Variants in CALN1 observed in about 807,000 individuals in gnomAD.
The protein encoded by CALN1 is calcium-binding protein 8.
A neutral mutation model predicts 30.6 loss-of-function variants in CALN1; 17 were observed. That is an observed-to-expected ratio of 0.56 (90% CI 0.38 to 0.83). The LOEUF (loss-of-function observed/expected upper bound fraction) is 0.83, where lower values mean the gene tolerates loss of function less well. Ranked by LOEUF, CALN1 falls within the 40% of genes least tolerant of loss-of-function variation. CALN1 has a pLI of 0.00. For synonymous variants in CALN1, 156 were observed against 131.4 expected, an observed-to-expected ratio of 1.19 and a Z score of -1.28; for missense variants, 291 against 354.9, an observed-to-expected ratio of 0.82 and a Z score of 1.45.
intron 2 of CALN1, among the ~76,000 whole-genome samples, chr7:72,357,325 G>C (rs370800722): frequency 2.6e-5 from 4 of 152,096 alleles, no homozygotes; most frequent in East Asian, 3.9e-4. Context: ...GAATGAGAAA[G>C]GTTCCTCCTG....
chr7:72,201,171 AG>A (rs1374387412), intron 3 of CALN1, among the ~76,000 whole-genome samples: 2 of 152,224 alleles, frequency 1.3e-5, no homozygotes, highest in African/African-American at 4.8e-5. Flanking sequence ...GAATTAACTC[AG>A]GAACAGAAAA....
In CALN1 at chr7:72,311,482, T is replaced by G. The variant is rs79057177; in HGVS notation, c.120-32672A>C. 5.2e-3 allele frequency among the ~76,000 whole-genome samples: 782 copies of G among 151,138 alleles called. 10 individuals carry two copies. Among genetic ancestry groups the G allele is most frequent in the African/African-American group, 0.014 (590 of 41,214 alleles). ...ATCAACTGTATTTCTTTTTTCTTTTTTGTGTGTGTGTGTGTAAGACAAGGT... is the reference window on the plus strand; with the variant it reads ...ATCAACTGTATTTCTTTTTTCTTTTGTGTGTGTGTGTGTGTAAGACAAGGT... On this transcript the variant is annotated intron_variant, in intron 2 of 6. Transcript: ENST00000395275.
chr7:71,908,505 C>T (rs1186995291), intron 5 of CALN1, among the ~76,000 whole-genome samples: 8 of 152,144 alleles, frequency 5.3e-5, no homozygotes, highest in Non-Finnish European at 1.0e-4. Flanking sequence ...GGAAGTCTGG[C>T]TGGGAATAGA....
intron 4 of CALN1, among the ~76,000 whole-genome samples, chr7:72,062,546 A>T (rs1366210993): frequency 1.3e-5 from 2 of 151,486 alleles, no homozygotes; most frequent in Non-Finnish European, 2.9e-5. Flanking sequence ...AAAATAAATA[A>T]ATAAAATGAT....
chr7:72,467,533 G>A, the CALN1 span, among the ~76,000 whole-genome samples: 3 of 152,074 alleles, frequency 2.0e-5, no homozygotes, highest in Non-Finnish European at 4.4e-5. Context: ...CTAGGTCCAT[G>A]GCAGAGCCCC....
the CALN1 span, among the ~76,000 whole-genome samples, chr7:72,488,420 T>C: frequency 1.3e-5 from 2 of 152,126 alleles, no homozygotes; most frequent in Admixed American, 1.3e-4. Flanking sequence ...AAAGGACTAA[T>C]ACTTTGGGAA....
intron 1 of CALN1, among the ~76,000 whole-genome samples, chr7:72,443,953 A>C (rs1282246588): frequency 5.0e-5 from 7 of 139,194 alleles, no homozygotes; most frequent in Admixed American, 4.9e-4. Context: ...TGCAGTGAGC[A>C]GAGATCATGC....
At chr7:71,970,540 A>G (rs897975715) in intron 5 of CALN1, among the ~76,000 whole-genome samples, 6 of 152,194 alleles carry the variant, frequency 3.9e-5, no homozygotes, top group African/African-American at 1.4e-4. Context: ...ATCCAATGCA[A>G]AATGGCAACT....
chr7:71,997,141 G>A (rs1051046348), intron 5 of CALN1, among the ~76,000 whole-genome samples: 1 of 152,146 alleles, frequency 6.6e-6, no homozygotes, highest in Non-Finnish European at 1.5e-5. Context: ...ACTGAGGCAG[G>A]AGGATGGCTT....
chr7:71,930,859 C>T lies in CALN1; in HGVS notation c.501+92798G>A, dbSNP rs1216045051. Among the ~76,000 whole-genome samples the T allele has an allele frequency of 2.0e-5, 3 of 152,188 alleles. No individual in the cohort carries two copies. The East Asian group carries it at 5.8e-4, about 29-fold the overall frequency. On this transcript the variant is annotated intron_variant, in intron 5 of 6. Transcript: ENST00000395275. ...TCTCCATCTTTAAAATGCTTAATTGCTTTTCAAGTGCAGCATAACCCATGC... is the reference window on the plus strand; with the variant it reads ...TCTCCATCTTTAAAATGCTTAATTGTTTTTCAAGTGCAGCATAACCCATGC...
intron 5 of CALN1, among the ~76,000 whole-genome samples, chr7:71,946,727 C>T (rs552166386): frequency 3.3e-5 from 5 of 152,202 alleles, no homozygotes; most frequent in African/African-American, 4.8e-5. Flanking sequence ...CATGAAAAGG[C>T]CTTTTTTCCT....
intron 3 of CALN1, among the ~76,000 whole-genome samples, chr7:72,142,134 T>C (rs1223291333): frequency 6.6e-6 from 1 of 152,134 alleles, no homozygotes; most frequent in Non-Finnish European, 1.5e-5. Context: ...TGCAGGACAG[T>C]GGGTGCAGTG....
chr7:72,274,629 A>T (rs1013037567), intron 3 of CALN1, among the ~76,000 whole-genome samples: 2 of 152,218 alleles, frequency 1.3e-5, no homozygotes, highest in Non-Finnish European at 2.9e-5. Flanking sequence ...AAAGTATAAG[A>T]TATTGCTAAT....
At chr7:72,148,954 A>G (rs958636216) in intron 3 of CALN1, among the ~76,000 whole-genome samples, 13 of 143,356 alleles carry the variant, frequency 9.1e-5, no homozygotes, top group Non-Finnish European at 2.0e-4. Flanking sequence ...GGAAGGAAGG[A>G]AAGAAGGAAG....
chr7:71,879,792 C>T (rs562984008), intron 5 of CALN1, among the ~76,000 whole-genome samples: 2 of 152,150 alleles, frequency 1.3e-5, no homozygotes, highest in Non-Finnish European at 2.9e-5. Flanking sequence ...TGCTTACGTG[C>T]CTCACAGAGA....
intron 5 of CALN1, among the ~76,000 whole-genome samples, chr7:71,895,400 C>G (rs908595951): frequency 6.6e-6 from 1 of 151,894 alleles, no homozygotes; most frequent in African/African-American, 2.4e-5. Flanking sequence ...TTAATTGTTC[C>G]TCTTGTTTTG....
At chr7:71,971,566 A>T (rs1313497328) in intron 5 of CALN1, among the ~76,000 whole-genome samples, 1 of 152,172 alleles carries the variant, frequency 6.6e-6, no homozygotes, top group Non-Finnish European at 1.5e-5. Flanking sequence ...TCACATCTGC[A>T]AGAAGCAAGG....
chr7:72,294,533 T>C (rs1203280473), intron 2 of CALN1, among the ~76,000 whole-genome samples: 2 of 151,958 alleles, frequency 1.3e-5, no homozygotes, highest in South Asian at 4.2e-4. Flanking sequence ...GAGGATAACT[T>C]GAGGCCAGGA....
chr7:72,204,485 T>C (rs994755082), intron 3 of CALN1, among the ~76,000 whole-genome samples: 4 of 152,146 alleles, frequency 2.6e-5, no homozygotes, highest in Non-Finnish European at 4.4e-5. Context: ...ATCATTGAAT[T>C]TTTTAACATT....
Sources: gnomAD v4.1 joint callset for allele counts (sites outside exome capture counted in the v4.1 genomes callset) on GRCh38, gnomAD v4.1.1 for gene constraint, MANE v1.5 for transcripts, NCBI Gene and HGNC (gene_info 2026-07-23, HGNC 2026-07-21) for gene names.